Variants in SCAF11 observed in about 807,000 individuals in gnomAD.
The protein encoded by SCAF11 is SR-related CTD associated factor 11.
Under a neutral mutation model 140.5 loss-of-function variants are expected in SCAF11, and 47 were observed. The ratio of observed to expected loss-of-function variants is 0.33; its 90% CI spans 0.26 to 0.43. SCAF11 has a LOEUF of 0.43. Among genes scored for constraint, SCAF11 ranks in the 20% least tolerant of loss-of-function variants. The pLI, the probability that SCAF11 is intolerant of heterozygous loss-of-function variation, is 1.00. For missense variants in SCAF11, 1,645 were observed against 1,705.1 expected (o/e 0.96, Z 0.62); for synonymous variants, 557 against 579.4 (o/e 0.96, Z 0.55).
At chr12:45,944,895 T>C (rs1945383657) in intron 6 of SCAF11, among the ~76,000 whole-genome samples, 1 of 152,170 alleles carries the variant, frequency 6.6e-6, no homozygotes, top group Admixed American at 6.5e-5. Context: ...TTGCTACTGC[T>C]TACAGTAACT....
intron 1 of SCAF11, among the ~76,000 whole-genome samples, chr12:45,985,142 A>G (rs907664974): frequency 6.6e-6 from 1 of 152,218 alleles, no homozygotes; most frequent in African/African-American, 2.4e-5. Flanking sequence ...AATTATTTCA[A>G]TGTCTATGTG....
rs201741705 is a variant in SCAF11, at chr12:45,971,707, C to CT, written c.-21-7520dup. Among the ~76,000 whole-genome samples, 113 of 151,132 alleles carry CT rather than the reference C, an allele frequency of 7.5e-4. No homozygotes were observed. The East Asian group carries it at 9.3e-3, about 12-fold the overall frequency. ...TCAGAAAGAGAGGGGGAAACTGCTC[C>CT]TTTTTTTTTGTTTTCCCCCTTTCTC... On this transcript the variant is annotated intron_variant, in intron 1 of 14. Transcript: ENST00000369367.
At chr12:45,989,578 T>TCA (rs1946540952) in intron 1 of SCAF11, among the ~76,000 whole-genome samples, 1 of 152,244 alleles carries the variant, frequency 6.6e-6, no homozygotes, top group African/African-American at 2.4e-5. Context: ...AAATACGTGT[T>TCA]GGTGGCAAGA....
At chr12:45,960,035 T>C (rs1945788117) in intron 3 of SCAF11, among the ~76,000 whole-genome samples, 1 of 152,218 alleles carries the variant, frequency 6.6e-6, no homozygotes, top group African/African-American at 2.4e-5. Context: ...ATACCATGTA[T>C]GTTATCCAGT....
At chr12:45,964,564 G>A (rs562803764) in intron 1 of SCAF11, among the ~76,000 whole-genome samples, 1 of 152,178 alleles carries the variant, frequency 6.6e-6, no homozygotes, top group South Asian at 2.1e-4. Context: ...CTGCTCGGGA[G>A]GTTGAGGCAG....
At chr12:45,951,047 T>C (rs1056047199) in intron 4 of SCAF11, among the ~76,000 whole-genome samples, 2 of 152,190 alleles carry the variant, frequency 1.3e-5, no homozygotes, top group Non-Finnish European at 2.9e-5. Flanking sequence ...ACATGTTTTT[T>C]TGTTTTTTCA....
chr12:45,961,662 T>C, intron 3 of SCAF11, 38 bp downstream of exon 3: 1 of 1,518,006 alleles, frequency 6.6e-7, no homozygotes, highest in Non-Finnish European at 8.9e-7. Flanking sequence ...AATGAAATCA[T>C]GCTAGGAAAT....
intron 1 of SCAF11, among the ~76,000 whole-genome samples, chr12:45,987,500 A>C (rs1054593892): frequency 1.3e-5 from 2 of 152,264 alleles, no homozygotes; most frequent in Non-Finnish European, 2.9e-5. Flanking sequence ...ACAGTGAAGA[A>C]AATAAACAAT....
intron 1 of SCAF11, among the ~76,000 whole-genome samples, chr12:45,987,434 G>A (rs1825675932): frequency 6.6e-6 from 1 of 152,338 alleles, no homozygotes; most frequent in Admixed American, 6.5e-5. Flanking sequence ...TGAAGGCATT[G>A]TTCAGGTGTT....
At chr12:45,978,389 G>A (rs1279945071) in intron 1 of SCAF11, among the ~76,000 whole-genome samples, 5 of 152,096 alleles carry the variant, frequency 3.3e-5, no homozygotes, top group Non-Finnish European at 5.9e-5. Context: ...ATTTATTTCC[G>A]CCAGGCAATT....
At chr12:45,953,502 C>T (rs1052854466) in intron 3 of SCAF11, among the ~76,000 whole-genome samples, 1 of 152,154 alleles carries the variant, frequency 6.6e-6, no homozygotes, top group African/African-American at 2.4e-5. Context: ...CATGATCACA[C>T]CACTGTACTG....
At chr12:45,938,817 T>C (rs1945230016) in intron 6 of SCAF11, among the ~76,000 whole-genome samples, 2 of 149,562 alleles carry the variant, frequency 1.3e-5, no homozygotes, top group Admixed American at 1.3e-4. Context: ...AAAGACATAA[T>C]TAGATGGATC....
At chr12:45,989,432 AAC>A (rs1482133769) in intron 1 of SCAF11, among the ~76,000 whole-genome samples, 1 of 152,228 alleles carries the variant, frequency 6.6e-6, no homozygotes, top group Non-Finnish European at 1.5e-5. Context: ...ATGAATGAAC[AAC>A]AGTCAGCTGG....
intron 3 of SCAF11, chr12:45,956,151 T>C (rs1179616785): frequency 1.4e-6 from 1 of 716,784 alleles, no homozygotes; most frequent in Non-Finnish European, 2.6e-6. Context: ...TTCCTCCTGC[T>C]GCTCTATCCT....
chr12:45,958,575 AT>A (rs1945752816), intron 3 of SCAF11, among the ~76,000 whole-genome samples: 1 of 152,116 alleles, frequency 6.6e-6, no homozygotes, highest in African/African-American at 2.4e-5. Flanking sequence ...TCAATATTCT[AT>A]TTCTATATAA....
At chr12:45,957,722 G>A (rs1945725457) in intron 3 of SCAF11, among the ~76,000 whole-genome samples, 1 of 152,002 alleles carries the variant, frequency 6.6e-6, no homozygotes, top group Non-Finnish European at 1.5e-5. Flanking sequence ...ATGTAAAAGG[G>A]AAAAGAATGC....
chr12:45,977,944 A>G (rs1364589881), intron 1 of SCAF11, among the ~76,000 whole-genome samples: 1 of 152,170 alleles, frequency 6.6e-6, no homozygotes, highest in African/African-American at 2.4e-5. Context: ...CCAAAACCCT[A>G]ATGATAGCAT....
intron 1 of SCAF11, among the ~76,000 whole-genome samples, chr12:45,972,975 T>C (rs533361918): frequency 1.4e-5 from 2 of 139,966 alleles, no homozygotes; most frequent in East Asian, 2.0e-4. Context: ...TATATAGATA[T>C]ATAGATATAT....
intron 1 of SCAF11, among the ~76,000 whole-genome samples, chr12:45,970,719 C>T (rs1439321733): frequency 6.6e-6 from 1 of 152,212 alleles, no homozygotes; most frequent in Admixed American, 6.5e-5. Flanking sequence ...GGACCAAGCA[C>T]CATTCACTGA....
Sources: gnomAD v4.1 joint callset for allele counts (sites outside exome capture counted in the v4.1 genomes callset) on GRCh38, gnomAD v4.1.1 for gene constraint, MANE v1.5 for transcripts, NCBI Gene and HGNC (gene_info 2026-07-23, HGNC 2026-07-21) for gene names.